The following CNTNAP2 variants were observed in gnomAD, a reference collection of about 807,000 sequenced individuals.
CNTNAP2 encodes the protein contactin-associated protein-like 2.
A neutral mutation model predicts 155.2 loss-of-function variants in CNTNAP2; 98 were observed. The ratio of observed to expected loss-of-function variants is 0.63; its 90% CI spans 0.54 to 0.75. CNTNAP2 has a LOEUF of 0.75. CNTNAP2 is among the 30% of genes least tolerant of loss of function. The probability of loss-of-function intolerance (pLI) is 0.00; values close to 1 mark genes in which losing one functional copy is unlikely to be tolerated. For synonymous variants in CNTNAP2, 651 were observed against 631.2 expected, an observed-to-expected ratio of 1.03 and a Z score of -0.47; for missense variants, 1,727 against 1,688.1, an observed-to-expected ratio of 1.02 and a Z score of -0.40.
chr7:148,225,222 C>G (rs1319119770), intron 19 of CNTNAP2, among the ~76,000 whole-genome samples: 1 of 152,022 alleles, frequency 6.6e-6, no homozygotes, highest in Non-Finnish European at 1.5e-5. Context: ...ATGTTGTGTG[C>G]TAAGAACTGT....
chr7:147,783,930 A>G (rs1391074340), intron 13 of CNTNAP2, among the ~76,000 whole-genome samples: 1 of 152,172 alleles, frequency 6.6e-6, no homozygotes, highest in Non-Finnish European at 1.5e-5. Flanking sequence ...CACCCAGTTT[A>G]TGGTATCTTT....
At chr7:146,912,646 A>G (rs1474448518) in intron 3 of CNTNAP2, among the ~76,000 whole-genome samples, 1 of 152,120 alleles carries the variant, frequency 6.6e-6, no homozygotes, top group Non-Finnish European at 1.5e-5. Context: ...TCCTTATTCT[A>G]ATCTCATAAT....
intron 13 of CNTNAP2, among the ~76,000 whole-genome samples, chr7:147,724,025 C>A (rs748988218): frequency 6.6e-6 from 1 of 151,890 alleles, no homozygotes; most frequent in Non-Finnish European, 1.5e-5. Flanking sequence ...CCTACACTTT[C>A]ATTTCTTCAT....
At chr7:146,303,258 A>G (rs1800646079) in intron 1 of CNTNAP2, among the ~76,000 whole-genome samples, 2 of 152,120 alleles carry the variant, frequency 1.3e-5, no homozygotes, top group African/African-American at 4.8e-5. Context: ...TCAAACATGA[A>G]CAAAAATTGA....
intron 10 of CNTNAP2, among the ~76,000 whole-genome samples, chr7:147,400,453 T>G (rs892536032): frequency 2.0e-5 from 3 of 152,140 alleles, no homozygotes; most frequent in Non-Finnish European, 2.9e-5. Context: ...GACACATGGT[T>G]AGGAAGAAGC....
At chr7:146,363,217 G>A (rs1795109614) in intron 1 of CNTNAP2, among the ~76,000 whole-genome samples, 1 of 152,160 alleles carries the variant, frequency 6.6e-6, no homozygotes, top group South Asian at 2.1e-4. Flanking sequence ...AGAGAGATTA[G>A]ATGACTTCCG....
At chr7:146,821,713 A>T (rs1279820872) in intron 2 of CNTNAP2, among the ~76,000 whole-genome samples, 4 of 152,192 alleles carry the variant, frequency 2.6e-5, no homozygotes, top group Non-Finnish European at 2.9e-5. Flanking sequence ...CAAAAAACAC[A>T]TGAAAAAATG....
At chr7:148,179,083 A>T (rs1299069879) in intron 18 of CNTNAP2, among the ~76,000 whole-genome samples, 1 of 152,148 alleles carries the variant, frequency 6.6e-6, no homozygotes, top group Non-Finnish European at 1.5e-5. Context: ...TGGAAACCAC[A>T]CCCACCATAT....
chr7:147,291,073 C>A (rs965462614), intron 8 of CNTNAP2, among the ~76,000 whole-genome samples: 2 of 152,128 alleles, frequency 1.3e-5, no homozygotes, highest in Admixed American at 6.5e-5. Context: ...TCGTGCCACC[C>A]TACAGTCCAT....
chr7:146,133,052 C>T (rs1348313481), intron 1 of CNTNAP2, among the ~76,000 whole-genome samples: 1 of 146,794 alleles, frequency 6.8e-6, no homozygotes, highest in Non-Finnish European at 1.5e-5. Context: ...GTTCCTATTT[C>T]TCCACATCCT....
chr7:148,015,722 T>G (rs1802165450), intron 15 of CNTNAP2, among the ~76,000 whole-genome samples: 1 of 152,210 alleles, frequency 6.6e-6, no homozygotes, highest in African/African-American at 2.4e-5. Flanking sequence ...CAGAGACAGA[T>G]CCTTCTGCAT....
chr7:147,020,083 G>A (rs1468367939), intron 3 of CNTNAP2, among the ~76,000 whole-genome samples: 1 of 152,094 alleles, frequency 6.6e-6, no homozygotes, highest in Non-Finnish European at 1.5e-5. Flanking sequence ...TAGCTATAGT[G>A]TAGTATAGAT....
intron 21 of CNTNAP2, among the ~76,000 whole-genome samples, chr7:148,307,133 A>G (rs1490326236): frequency 2.6e-5 from 4 of 152,150 alleles, no homozygotes; most frequent in Non-Finnish European, 5.9e-5. Context: ...CAGTGTGTAA[A>G]TGTTGACTGA....
chr7:146,203,370 A>G (rs905790245), intron 1 of CNTNAP2, among the ~76,000 whole-genome samples: 8 of 152,202 alleles, frequency 5.3e-5, no homozygotes, highest in Non-Finnish European at 7.3e-5. Flanking sequence ...TTAATTTATT[A>G]GAGCTGCTTA....
At chr7:147,742,326 A>G (rs1179831549) in intron 13 of CNTNAP2, among the ~76,000 whole-genome samples, 2 of 152,188 alleles carry the variant, frequency 1.3e-5, no homozygotes, top group South Asian at 2.1e-4. Flanking sequence ...TTGGCCTACA[A>G]TTTCCCTTCT....
At chr7:147,591,762 A>G (rs1382122812) in intron 12 of CNTNAP2, among the ~76,000 whole-genome samples, 1 of 152,118 alleles carries the variant, frequency 6.6e-6, no homozygotes, top group Non-Finnish European at 1.5e-5. Context: ...GATAATGTCC[A>G]CTGGCATACT....
At chr7:148,182,062 T>C (rs10260743) in intron 18 of CNTNAP2, among the ~76,000 whole-genome samples, 35,588 of 151,964 alleles carry the variant, frequency 0.23, 4,554 homozygotes, top group African/African-American at 0.33. Flanking sequence ...TGGCCAAGTG[T>C]GTGCCCTTTT....
chr7:148,226,831 T>A (rs937513863), intron 19 of CNTNAP2, among the ~76,000 whole-genome samples: 1 of 152,210 alleles, frequency 6.6e-6, no homozygotes, highest in African/African-American at 2.4e-5. Flanking sequence ...GGCACTTGGA[T>A]CTCTCAAGTC....
intron 1 of CNTNAP2, among the ~76,000 whole-genome samples, chr7:146,618,962 C>T (rs980784115): frequency 2.6e-5 from 4 of 151,290 alleles, no homozygotes; most frequent in African/African-American, 4.9e-5. Context: ...CCCAGCTACT[C>T]GGGAGGCTGA....
Sources: gnomAD v4.1 joint callset for allele counts (sites outside exome capture counted in the v4.1 genomes callset) on GRCh38, gnomAD v4.1.1 for gene constraint, MANE v1.5 for transcripts, NCBI Gene and HGNC (gene_info 2026-07-23, HGNC 2026-07-21) for gene names.